Variants in ADAMTSL1 observed in about 807,000 individuals in gnomAD.
ADAMTSL1 encodes the protein ADAMTS like 1.
In ADAMTSL1, 126 loss-of-function variants were observed where a neutral mutation model predicts 201.8. The observed-to-expected ratio is 0.62, with a 90% CI of 0.54 to 0.72. The LOEUF (loss-of-function observed/expected upper bound fraction) is 0.72, where lower values mean the gene tolerates loss of function less well. Ranked by LOEUF, ADAMTSL1 falls within the 30% of genes least tolerant of loss-of-function variation. ADAMTSL1 has a pLI of 0.00. For synonymous variants in ADAMTSL1, 1,121 were observed against 903.4 expected, an observed-to-expected ratio of 1.24 and a Z score of -4.32; for missense variants, 2,679 against 2,277.8, an observed-to-expected ratio of 1.18 and a Z score of -3.59.
chr9:18,866,321 C>G (rs1283229941), intron 23 of ADAMTSL1, among the ~76,000 whole-genome samples: 2 of 152,088 alleles, frequency 1.3e-5, no homozygotes, highest in Admixed American at 6.5e-5. Context: ...ACTGTGTACA[C>G]ACAGAGACAT....
At chr9:18,811,780 TA>T (rs1052812274) in intron 20 of ADAMTSL1, among the ~76,000 whole-genome samples, 1 of 152,058 alleles carries the variant, frequency 6.6e-6, no homozygotes, top group African/African-American at 2.4e-5. Flanking sequence ...GAAAAGGAAA[TA>T]AAAGGCATAG....
Position 18,863,239 on chromosome 9 carries a change from A to G in ADAMTSL1, c.4250-24592A>G, listed in dbSNP as rs552341677. Among the ~76,000 whole-genome samples the G allele has an allele frequency of 7.2e-5, 11 of 152,328 alleles. No individual in the cohort carries two copies. In the South Asian group the frequency reaches 1.2e-3, roughly 17 times the overall value. On this transcript the variant is annotated intron_variant, in intron 23 of 28. Transcript: ENST00000380548. ...AAGGTAGTAACCACACAGTAACCCA[A>G]TCATTTTGGAAAATGCAAGGCCTTA...
intron 2 of ADAMTSL1, among the ~76,000 whole-genome samples, chr9:18,366,702 TG>T (rs1298662231): frequency 1.5e-5 from 2 of 133,594 alleles, no homozygotes; most frequent in Non-Finnish European, 3.1e-5. Context: ...CAGGCTGGAG[TG>T]CAGTGGCACC....
At chr9:18,290,175 G>A (rs58809159) in intron 2 of ADAMTSL1, among the ~76,000 whole-genome samples, 1 of 152,052 alleles carries the variant, frequency 6.6e-6, no homozygotes, top group Non-Finnish European at 1.5e-5. Flanking sequence ...AACCCTCCAC[G>A]TTCCTTGATA....
chr9:18,726,957 A>G (rs1323399990), intron 15 of ADAMTSL1, among the ~76,000 whole-genome samples: 3 of 152,210 alleles, frequency 2.0e-5, no homozygotes, highest in African/African-American at 4.8e-5. Context: ...AGCAAGAGCT[A>G]TAAACGAAGC....
At position 18,910,393 on chromosome 9, in the gene ADAMTSL1, G is replaced by A. The variant is rs913986017; in HGVS notation, c.*1845G>A. On this transcript the variant is annotated 3_prime_UTR_variant, in exon 29 of 29. Coordinates refer to ENST00000380548, the MANE Select transcript of ADAMTSL1 (RefSeq NM_001040272.6). ...GTCATCCAGAAACAAAACTATTGGG[G>A]GGACTTTATTAACTAACTTCCTGCA... is the stretch of plus-strand genomic sequence containing the variant. 10 of 151,806 alleles carry A rather than the reference G, an allele frequency of 6.6e-5. No individual in the cohort carries two copies. The highest frequency in any genetic ancestry group is 9.7e-5 in the African/African-American group (4 of 41,388). The allele number at this position is 151,806 out of a possible 1,614,324, so 9.4% of individuals were successfully genotyped here.
chr9:18,851,416 C>G (rs1826484236), intron 23 of ADAMTSL1, among the ~76,000 whole-genome samples: 1 of 152,156 alleles, frequency 6.6e-6, no homozygotes. Context: ...CAAATCCATA[C>G]AGGTCTGCAG....
At chr9:18,797,473 T>C (rs547400448) in intron 20 of ADAMTSL1, among the ~76,000 whole-genome samples, 1 of 152,256 alleles carries the variant, frequency 6.6e-6, no homozygotes, top group South Asian at 2.1e-4. Context: ...TCCCTGATGC[T>C]TACAGAGGAG....
chr9:18,547,755 A>G (rs2132200054), intron 3 of ADAMTSL1, among the ~76,000 whole-genome samples: 1 of 151,892 alleles, frequency 6.6e-6, no homozygotes, highest in Non-Finnish European at 1.5e-5. Context: ...CTGAAACTCT[A>G]CCAAGCCATA....
At chr9:18,395,061 T>C (rs1011084850) in intron 2 of ADAMTSL1, among the ~76,000 whole-genome samples, 1 of 152,198 alleles carries the variant, frequency 6.6e-6, no homozygotes, top group Non-Finnish European at 1.5e-5. Context: ...ACTTGGTAAA[T>C]AGTGCATTTT....
intron 26 of ADAMTSL1, among the ~76,000 whole-genome samples, chr9:18,901,600 T>C (rs1436333664): frequency 1.3e-5 from 2 of 152,166 alleles, no homozygotes; most frequent in African/African-American, 4.8e-5. Flanking sequence ...TCAAATTAGA[T>C]TGTTATAACT....
chr9:18,070,413 CTT>C (rs1822912998), intron 1 of ADAMTSL1, among the ~76,000 whole-genome samples: 1 of 152,022 alleles, frequency 6.6e-6, no homozygotes, highest in Non-Finnish European at 1.5e-5. Flanking sequence ...ATGATAGACT[CTT>C]ATACAGTTTT....
At chr9:18,010,136 T>G (rs533825630) in intron 1 of ADAMTSL1, among the ~76,000 whole-genome samples, 8 of 152,136 alleles carry the variant, frequency 5.3e-5, no homozygotes, top group Non-Finnish European at 1.0e-4. Flanking sequence ...TTATTCAAAT[T>G]CAGTTTCACA....
intron 4 of ADAMTSL1, among the ~76,000 whole-genome samples, chr9:18,574,904 G>C (rs1176056851): frequency 2.0e-5 from 3 of 152,152 alleles, no homozygotes; most frequent in Non-Finnish European, 4.4e-5. Context: ...GGGTTTGTAT[G>C]TTTGTCATGT....
At chr9:18,167,945 A>G (rs1485855675) in intron 2 of ADAMTSL1, among the ~76,000 whole-genome samples, 4 of 152,044 alleles carry the variant, frequency 2.6e-5, no homozygotes, top group African/African-American at 9.7e-5. Context: ...CATTCAGCAC[A>G]TTCCTGACAG....
chr9:18,531,278 T>G (rs1161747885), intron 2 of ADAMTSL1, among the ~76,000 whole-genome samples: 1 of 152,194 alleles, frequency 6.6e-6, no homozygotes, highest in East Asian at 1.9e-4. Context: ...AGTAGCTTGA[T>G]CAACCTGACA....
chr9:18,366,216 C>T (rs1197503998), intron 2 of ADAMTSL1, among the ~76,000 whole-genome samples: 1 of 151,048 alleles, frequency 6.6e-6, no homozygotes, highest in African/African-American at 2.4e-5. Flanking sequence ...TGCACATAAA[C>T]CCATATGAAT....
At chr9:18,263,841 C>T (rs1377706726) in intron 2 of ADAMTSL1, among the ~76,000 whole-genome samples, 2 of 152,214 alleles carry the variant, frequency 1.3e-5, no homozygotes, top group Admixed American at 6.5e-5. Context: ...CGCCAACAAG[C>T]CAGGAAGAGA....
Position 18,906,830 on chromosome 9 carries a change from C to T in ADAMTSL1, c.5100C>T (p.Asn1700=), listed in dbSNP as rs770131671. The change falls in exon 28 of 29, where the codon AAC becomes AAT. Residue 1700 remains asparagine (N), a synonymous_variant. Transcript: ENST00000380548. The stretch of plus-strand genomic sequence containing the variant: ...TGGAGTGTGTGCATGCCCGCACCAA[C>T]AAGGCAGTGCCTGAGCACCTGTGCT... ...RRVECVHART[N]KAVPEHLCSW... The T allele has an allele frequency of 4.3e-6, 7 of 1,614,042 alleles. No homozygotes were observed. The highest frequency in any genetic ancestry group is 5.9e-6 in the Non-Finnish European group (7 of 1,179,892).
Sources: gnomAD v4.1 joint callset for allele counts (sites outside exome capture counted in the v4.1 genomes callset) on GRCh38, gnomAD v4.1.1 for gene constraint, MANE v1.5 for transcripts, NCBI Gene and HGNC (gene_info 2026-07-23, HGNC 2026-07-21) for gene names.